Variants in NFAM1 observed in about 807,000 individuals in gnomAD.
The protein encoded by NFAM1 is NFAT activation molecule 1.
In NFAM1, 17 loss-of-function variants were observed where a neutral mutation model predicts 29.0. The observed-to-expected ratio is 0.59, with a 90% CI of 0.40 to 0.88. NFAM1 has a LOEUF of 0.88. NFAM1 is among the 40% of genes least tolerant of loss of function. The pLI, the probability that NFAM1 is intolerant of heterozygous loss-of-function variation, is 0.00. For synonymous variants in NFAM1, 175 were observed against 147.2 expected (o/e 1.19, Z -1.36); for missense variants, 324 against 344.6 (o/e 0.94, Z 0.47).
chr22:42,389,716 CTGTT>C (rs140946176), intron 4 of NFAM1, among the ~76,000 whole-genome samples: 2,657 of 151,156 alleles, frequency 0.018, 70 homozygotes, highest in African/African-American at 0.061. Context: ...TGGGCTGCGG[CTGTT>C]TGTCTGGGAT....
chr22:42,428,906 GC>G (rs1930710629), intron 1 of NFAM1, among the ~76,000 whole-genome samples: 1 of 152,200 alleles, frequency 6.6e-6, no homozygotes, highest in South Asian at 2.1e-4. Flanking sequence ...GAGGACTGAG[GC>G]CCATGGAAGC....
In NFAM1 at chr22:42,401,373, C is replaced by T. The variant is rs564941397; in HGVS notation, c.565-3417G>A. ...GAAAGGCCAAATGCCATGGTGTCTA[C>T]CCGAAGGGCAGTGGGGGCCACCAGG... On this transcript the variant is annotated intron_variant, in intron 3 of 5. Coordinates refer to ENST00000329021, the MANE Select transcript of NFAM1 (RefSeq NM_145912.8). 3.3e-5 allele frequency among the ~76,000 whole-genome samples: 5 copies of T among 152,300 alleles called. No homozygotes were observed. In the East Asian group the frequency reaches 7.7e-4, roughly 24 times the overall value.
intron 4 of NFAM1, among the ~76,000 whole-genome samples, chr22:42,390,245 G>A (rs1929288785): frequency 6.6e-6 from 1 of 152,108 alleles, no homozygotes; most frequent in South Asian, 2.1e-4. Context: ...ACTTCCCTGT[G>A]CTGGGCCCCG....
intron 1 of NFAM1, among the ~76,000 whole-genome samples, chr22:42,426,782 AC>A (rs1363342412): frequency 6.6e-6 from 1 of 151,598 alleles, no homozygotes; most frequent in African/African-American, 2.4e-5. Context: ...GGTGGGCAGG[AC>A]CCCCACGATC....
intron 1 of NFAM1, among the ~76,000 whole-genome samples, chr22:42,413,344 G>C (rs571306475): frequency 5.3e-5 from 8 of 152,320 alleles, no homozygotes; most frequent in Non-Finnish European, 1.2e-4. Flanking sequence ...CTGAGCCAGA[G>C]CTCTGGGAAG....
chr22:42,414,010 C>T (rs752522081), intron 1 of NFAM1, among the ~76,000 whole-genome samples: 18 of 151,916 alleles, frequency 1.2e-4, no homozygotes, highest in Middle Eastern at 3.2e-3. Flanking sequence ...GCCAAGATCG[C>T]GCCACTGCAC....
chr22:42,389,185 C>T (rs1269526975), intron 4 of NFAM1, among the ~76,000 whole-genome samples: 1 of 152,172 alleles, frequency 6.6e-6, no homozygotes, highest in East Asian at 1.9e-4. Flanking sequence ...CCAGCTCAGC[C>T]GGGCTGCCCA....
intron 3 of NFAM1, among the ~76,000 whole-genome samples, chr22:42,408,700 G>C (rs1929979107): frequency 6.6e-6 from 1 of 152,260 alleles, no homozygotes. Context: ...GGGTGGGCCA[G>C]CATCGAACAG....
At chr22:42,416,498 A>G (rs1055685821) in intron 1 of NFAM1, among the ~76,000 whole-genome samples, 1 of 152,200 alleles carries the variant, frequency 6.6e-6, no homozygotes, top group African/African-American at 2.4e-5. Context: ...TCAGATGCTA[A>G]TAAGAGGTTT....
intron 1 of NFAM1, among the ~76,000 whole-genome samples, chr22:42,430,556 CAAAA>C (rs10684230): frequency 2.7e-5 from 2 of 72,952 alleles, no homozygotes; most frequent in African/African-American, 1.1e-4. Context: ...GTGAAACTCT[CAAAA>C]AAAAAAAAAA....
In NFAM1 at chr22:42,411,694, GAGGCCATGATGGGC is replaced by G; in HGVS notation, c.150_163del (p.Ile52GlyfsTer29). On this transcript the variant is annotated frameshift_variant, in exon 2 of 6. Coordinates refer to ENST00000329021, the MANE Select transcript of NFAM1 (RefSeq NM_145912.8). LOFTEE classifies it high-confidence loss of function. ...GAAGGAGATAGCTGTGTTGGCCAGGGAGGCCATGATGGGCAGGCCGGTGTGGGTCACTGACTGTC... is the reference window on the plus strand; with the variant it reads ...GAAGGAGATAGCTGTGTTGGCCAGGGAGGCCGGTGTGGGTCACTGACTGTC... The G allele has an allele frequency of 6.2e-7, 1 of 1,614,108 alleles. No individual in the cohort carries two copies. Among genetic ancestry groups the G allele is most frequent in the African/African-American group, 1.3e-5 (1 of 75,046 alleles).
In NFAM1 at chr22:42,385,003, C is replaced by T; in HGVS notation, c.*158G>A. ...GTGGTTGGGGCATAGAATGGGGGGG[C>T]AGTGGGGCCGGCCAAGACAGGAAGG... On this transcript the variant is annotated 3_prime_UTR_variant, in exon 6 of 6. Coordinates refer to ENST00000329021, the MANE Select transcript of NFAM1 (RefSeq NM_145912.8). 1 of 698,170 alleles carries T rather than the reference C, an allele frequency of 1.4e-6. No homozygotes were observed. The highest frequency in any genetic ancestry group is 1.6e-5 in the South Asian group (1 of 62,184). 43.2% of individuals were successfully genotyped at this position (698,170 alleles called of 1,614,324 possible).
intron 4 of NFAM1, among the ~76,000 whole-genome samples, chr22:42,397,173 CGCTGGGCAGAGGGCTGCATGCTGGCTG>C (rs1929558723): frequency 1.3e-5 from 2 of 152,210 alleles, no homozygotes; most frequent in African/African-American, 4.8e-5. Flanking sequence ...CGGCCCCAGC[CGCTGGGCAGAGGGCTGCATGCTGGCTG>C]GCTGGCCAGG....
chr22:42,402,424 C>A (rs939432766), intron 3 of NFAM1, among the ~76,000 whole-genome samples: 1 of 152,136 alleles, frequency 6.6e-6, no homozygotes, highest in East Asian at 1.9e-4. Context: ...GAATGCCACC[C>A]GCAGAGCAGA....
intron 4 of NFAM1, among the ~76,000 whole-genome samples, chr22:42,390,814 CTCA>C (rs1929311086): frequency 1.5e-5 from 1 of 66,666 alleles, no homozygotes; most frequent in Admixed American, 1.2e-4. Context: ...GAGACTCCGT[CTCA>C]AAAAAAAAAA....
At chr22:42,411,019 CTTTTTTTTTTTTTT>C (rs138369373) in intron 2 of NFAM1, among the ~76,000 whole-genome samples, 1 of 121,760 alleles carries the variant, frequency 8.2e-6, no homozygotes, top group Non-Finnish European at 1.7e-5. Context: ...CTTTTCTTTT[CTTTTTTTTTTTTTT>C]TTTTTTTTGA....
intron 3 of NFAM1, among the ~76,000 whole-genome samples, chr22:42,401,771 G>A (rs926549706): frequency 6.6e-6 from 1 of 152,148 alleles, no homozygotes; most frequent in South Asian, 2.1e-4. Flanking sequence ...GTGGGACAGG[G>A]AGTCACCAGG....
Position 42,405,686 on chromosome 22 carries a change from C to G in NFAM1, c.564+3749G>C, listed in dbSNP as rs183892509. On this transcript the variant is annotated intron_variant, in intron 3 of 5. Transcript: ENST00000329021. Reference sequence around the variant, plus strand: ...TGAAGGAAGTGTTTCCCACCCATCTCGGGTCTTCTTGGCTCAGCTCATCCC... The same window carrying G: ...TGAAGGAAGTGTTTCCCACCCATCTGGGGTCTTCTTGGCTCAGCTCATCCC... Among the ~76,000 whole-genome samples, 340 of 152,300 alleles carry G rather than the reference C, an allele frequency of 2.2e-3. 3 individuals are homozygous for G. Among genetic ancestry groups the G allele is most frequent in the Non-Finnish European group, 2.7e-3 (184 of 68,016 alleles).
At chr22:42,433,416 A>C (rs552917830), upstream of NFAM1, among the ~76,000 whole-genome samples, 44 of 152,352 alleles carry the variant, frequency 2.9e-4, no homozygotes, top group Middle Eastern at 3.4e-3. Flanking sequence ...CCTCGGCCCC[A>C]GGAGGCAAAA....
Sources: allele counts gnomAD v4.1 joint callset (sites outside exome capture counted in the v4.1 genomes callset), GRCh38; gene constraint gnomAD v4.1.1; transcripts MANE v1.5; gene names NCBI Gene and HGNC (gene_info 2026-07-23, HGNC 2026-07-21).